Variants in UEVLD observed in about 807,000 individuals in gnomAD.
The protein encoded by UEVLD is UEV and lactate/malate dehyrogenase domains.
In UEVLD, 47 loss-of-function variants were observed where a neutral mutation model predicts 58.6. The observed-to-expected ratio is 0.80, with a 90% CI of 0.63 to 1.02. The LOEUF (loss-of-function observed/expected upper bound fraction) is 1.02. Ranked by LOEUF, UEVLD falls within the 50% of genes least tolerant of loss-of-function variation. The pLI is 0.00. For missense variants in UEVLD, 510 were observed against 550.6 expected (o/e 0.93, Z 0.74); for synonymous variants, 197 against 195.3 (o/e 1.01, Z -0.07).
At chr11:18,563,447 T>C (rs1852141048) in intron 6 of UEVLD, among the ~76,000 whole-genome samples, 1 of 151,682 alleles carries the variant, frequency 6.6e-6, no homozygotes, top group Admixed American at 6.6e-5. Context: ...CAAGAATTAG[T>C]GGGGATGGTT....
In UEVLD at chr11:18,556,082, A is replaced by G. The variant is rs988060415; in HGVS notation, c.715+2146T>C. ...CTTGGTGGCAAGCACCATGCACTACACATCTATTCCAAGGATTCTAGTCTT... is the reference window on the plus strand; with the variant it reads ...CTTGGTGGCAAGCACCATGCACTACGCATCTATTCCAAGGATTCTAGTCTT... On this transcript the variant is annotated intron_variant, in intron 7 of 11. Transcript: ENST00000396197. 1.4e-4 allele frequency among the ~76,000 whole-genome samples: 21 copies of G among 152,232 alleles called. 1 individual carries two copies. Among genetic ancestry groups the G allele is most frequent in the African/African-American group, 4.6e-4 (19 of 41,452 alleles).
intron 5 of UEVLD, 122 bp downstream of exon 5, chr11:18,566,225 A>T (rs1650558003): frequency 7.2e-7 from 1 of 1,398,244 alleles, no homozygotes. Flanking sequence ...CTTATTTCAA[A>T]AACAGATGTA....
At chr11:18,566,887 G>T (rs900974905) in intron 4 of UEVLD, among the ~76,000 whole-genome samples, 1 of 152,036 alleles carries the variant, frequency 6.6e-6, no homozygotes, top group Non-Finnish European at 1.5e-5. Flanking sequence ...CTTAATAGCC[G>T]AATACCTAGG....
chr11:18,580,882 G>A (rs769135935), intron 1 of UEVLD, among the ~76,000 whole-genome samples: 5 of 152,074 alleles, frequency 3.3e-5, no homozygotes, highest in Admixed American at 1.3e-4. Context: ...GATACAGCTC[G>A]CCAGGCGCGG....
chr11:18,547,845 G>A (rs10832941), intron 7 of UEVLD, among the ~76,000 whole-genome samples: 52,050 of 151,828 alleles, frequency 0.34, 10,072 homozygotes, highest in Non-Finnish European at 0.45. Flanking sequence ...GAATAGTGGT[G>A]CTTTTTAAAA....
At chr11:18,578,864 T>C (rs933542757) in intron 1 of UEVLD, 56 bp from the exon 2 acceptor site, 18 of 1,353,076 alleles carry the variant, frequency 1.3e-5, no homozygotes, top group Middle Eastern at 1.9e-4. Flanking sequence ...AAAAGAACAA[T>C]TGCAGTTAAC....
chr11:18,565,147 C>T (rs1852233687), intron 5 of UEVLD, 137 bp from the exon 6 acceptor site: 1 of 573,212 alleles, frequency 1.7e-6, no homozygotes, highest in Non-Finnish European at 3.0e-6. Context: ...AAAAATACTA[C>T]TGAACAAATG....
rs879565533 is a variant in UEVLD at position 18,529,733 on chromosome 11, A to G, written c.*2587T>C. The G allele has an allele frequency of 6.6e-6, 1 of 152,366 alleles. No individual in the cohort carries two copies. The highest frequency in any genetic ancestry group is 1.5e-5 in the Non-Finnish European group (1 of 68,018). The allele number at this position is 152,366 out of a possible 1,614,324, so 9.4% of individuals were successfully genotyped here. ...TTTAATCCAAACCCCACTAAAAATT[A>G]TAACAAGCTCTGCATGATTTCATAA... On this transcript the variant is annotated 3_prime_UTR_variant, in exon 12 of 12. Transcript: ENST00000396197.
At chr11:18,566,208 G>A in intron 5 of UEVLD, 139 bp downstream of exon 5, 3 of 1,279,198 alleles carry the variant, frequency 2.3e-6, no homozygotes, top group South Asian at 1.3e-5. Flanking sequence ...CTGAGGCACA[G>A]GAATTTCTTA....
rs1245006467 is a variant in UEVLD at position 18,588,282 on chromosome 11, G to GA, written c.42+330dup. Among the ~76,000 whole-genome samples, 7 of 150,902 alleles carry GA rather than the reference G, an allele frequency of 4.6e-5. No individual in the cohort carries two copies. The East Asian group carries it at 6.7e-4, about 14-fold the overall frequency. On this transcript the variant is annotated intron_variant, in intron 1 of 11. Coordinates refer to ENST00000396197, the MANE Select transcript of UEVLD (RefSeq NM_001040697.4). ...ATGAGCTTTGCAATTCAAGAAAAAAGAAAAAAAAGGCAGACCATTTCAGCA... is the reference window on the plus strand; with the variant it reads ...ATGAGCTTTGCAATTCAAGAAAAAAGAAAAAAAAAGGCAGACCATTTCAGCA...
intron 3 of UEVLD, among the ~76,000 whole-genome samples, chr11:18,571,623 C>A (rs1227455853): frequency 1.3e-5 from 2 of 152,194 alleles, no homozygotes; most frequent in African/African-American, 2.4e-5. Context: ...GTCCGAACTC[C>A]TGGCACAAAG....
chr11:18,562,372 T>C (rs748605025), intron 6 of UEVLD, among the ~76,000 whole-genome samples: 5 of 151,778 alleles, frequency 3.3e-5, no homozygotes, highest in African/African-American at 4.8e-5. Context: ...CGAAACCCCC[T>C]CTCTACTAAA....
intron 3 of UEVLD, among the ~76,000 whole-genome samples, chr11:18,571,340 T>G (rs1852600744): frequency 6.6e-6 from 1 of 152,106 alleles, no homozygotes; most frequent in Non-Finnish European, 1.5e-5. Flanking sequence ...CGCAAGACTC[T>G]GTCTCAAAAA....
intron 9 of UEVLD, among the ~76,000 whole-genome samples, chr11:18,543,285 A>G (rs1206244904): frequency 6.6e-6 from 1 of 152,220 alleles, no homozygotes; most frequent in African/African-American, 2.4e-5. Context: ...AGTAATGACT[A>G]ATTTTCCCCA....
chr11:18,536,482 G>T lies in UEVLD; in HGVS notation c.1061-13C>A. ...CTCCATGTGAGCACTAAAATTAGAT[G>T]AAGAATTAATTATGTTTTGCCAGTG... is the stretch of plus-strand genomic sequence containing the variant. On this transcript the variant is annotated splice_polypyrimidine_tract_variant and intron_variant, in intron 9 of 11. Transcript: ENST00000396197. 1 of 1,609,960 alleles carries T rather than the reference G, an allele frequency of 6.2e-7. No homozygotes were observed. Among genetic ancestry groups the T allele is most frequent in the Non-Finnish European group, 8.5e-7 (1 of 1,176,522 alleles).
At chr11:18,560,400 A>T (rs1305421157) in intron 6 of UEVLD, among the ~76,000 whole-genome samples, 1 of 152,218 alleles carries the variant, frequency 6.6e-6, no homozygotes, top group South Asian at 2.1e-4. Context: ...TTGTAGGAAA[A>T]TAAGTATTCT....
At chr11:18,561,562 C>T (rs1234329508) in intron 6 of UEVLD, among the ~76,000 whole-genome samples, 1 of 152,158 alleles carries the variant, frequency 6.6e-6, no homozygotes, top group Non-Finnish European at 1.5e-5. Context: ...ACACTACTGG[C>T]CAGGCACGGT....
chr11:18,586,132 TTAATTTTTTAATGTACTGA>T (rs1853547009), intron 1 of UEVLD, among the ~76,000 whole-genome samples: 1 of 152,252 alleles, frequency 6.6e-6, no homozygotes, highest in African/African-American at 2.4e-5. Flanking sequence ...CCATAGTTGC[TTAATTTTTTAATGTACTGA>T]TCACTTCTCC....
rs376750291 is a variant in UEVLD at position 18,582,518 on chromosome 11, T to C, written c.43-3710A>G. On this transcript the variant is annotated intron_variant, in intron 1 of 11. Coordinates refer to ENST00000396197, the MANE Select transcript of UEVLD (RefSeq NM_001040697.4). The stretch of plus-strand genomic sequence containing the variant: ...CTGGATAATTCTTTGGTATTTTTCG[T>C]AGAGATGGGTTTCACCATGTTGCCG... Among the ~76,000 whole-genome samples the C allele has an allele frequency of 5.4e-4, 82 of 151,252 alleles. No homozygotes were observed. In the East Asian group the frequency reaches 0.011, roughly 21 times the overall value.
Sources: allele counts gnomAD v4.1 joint callset (sites outside exome capture counted in the v4.1 genomes callset), GRCh38; gene constraint gnomAD v4.1.1; transcripts MANE v1.5; gene names NCBI Gene and HGNC (gene_info 2026-07-23, HGNC 2026-07-21).